CDH4: variants seen among roughly 807,000 people sequenced by gnomAD.
The protein encoded by CDH4 is cadherin 4, also known as cadherin-4.
In CDH4, 33 loss-of-function variants were observed where a neutral mutation model predicts 86.0. The observed-to-expected ratio is 0.38, with a 90% CI of 0.29 to 0.51. The LOEUF (loss-of-function observed/expected upper bound fraction) is 0.51. CDH4 is among the 20% of genes least tolerant of loss of function. CDH4 has a pLI of 0.86. For synonymous variants in CDH4, 555 were observed against 549.4 expected (o/e 1.01, Z -0.14); for missense variants, 1,114 against 1,307.4 (o/e 0.85, Z 2.28).
At chr20:61,639,730 G>A (rs368137940) in intron 2 of CDH4, among the ~76,000 whole-genome samples, 26 of 152,116 alleles carry the variant, frequency 1.7e-4, no homozygotes, top group African/African-American at 3.4e-4. Flanking sequence ...TTAACGCAGC[G>A]CAGAAGGCTC....
intron 4 of CDH4, among the ~76,000 whole-genome samples, chr20:61,781,368 G>A (rs2145998585): frequency 6.6e-6 from 1 of 152,276 alleles, no homozygotes; most frequent in East Asian, 1.9e-4. Flanking sequence ...ATGCTTTATA[G>A]TATGTTCAAG....
intron 2 of CDH4, among the ~76,000 whole-genome samples, chr20:61,422,593 C>T (rs565972698): frequency 6.6e-6 from 1 of 152,206 alleles, no homozygotes; most frequent in East Asian, 1.9e-4. Context: ...ATTCTCTTCT[C>T]TCCGTGGTGT....
intron 2 of CDH4, among the ~76,000 whole-genome samples, chr20:61,255,413 G>C (rs1217855013): frequency 2.0e-5 from 3 of 152,230 alleles, no homozygotes; most frequent in Non-Finnish European, 4.4e-5. Flanking sequence ...CTACCAATTA[G>C]CTTTATCGTA....
intron 4 of CDH4, among the ~76,000 whole-genome samples, chr20:61,843,456 C>CAAA (rs869283452): frequency 0.016 from 943 of 58,802 alleles, 89 homozygotes; most frequent in South Asian, 0.038. Flanking sequence ...GACTCCGTCT[C>CAAA]AAAAAAAAAA....
chr20:61,687,540 A>G (rs2087598902), intron 2 of CDH4, among the ~76,000 whole-genome samples: 1 of 152,252 alleles, frequency 6.6e-6, no homozygotes, highest in Non-Finnish European at 1.5e-5. Flanking sequence ...AAACGACCCA[A>G]GAGTTAATTT....
intron 2 of CDH4, among the ~76,000 whole-genome samples, chr20:61,557,239 G>A (rs1427071299): frequency 6.6e-6 from 1 of 152,196 alleles, no homozygotes; most frequent in African/African-American, 2.4e-5. Flanking sequence ...CATGCAGCCT[G>A]TGTCCCAATG....
chr20:61,831,663 C>T (rs570537911), intron 4 of CDH4, among the ~76,000 whole-genome samples: 3 of 152,392 alleles, frequency 2.0e-5, no homozygotes, highest in East Asian at 1.9e-4. Flanking sequence ...CCTCCTCCCC[C>T]TCAGGACCCC....
Position 61,719,441 on chromosome 20 carries a change from G to A in CDH4, c.170-24122G>A, listed in dbSNP as rs565778987. On this transcript the variant is annotated intron_variant, in intron 2 of 15. Transcript: ENST00000614565. ...TAGCAATATTGCAAAATGCTTGCGT[G>A]AAATAACTGTGGAAATATTTCACTA... The A allele has an allele frequency of 7.6e-5, 18 of 236,836 alleles. No homozygotes were observed. The East Asian group carries it at 1.9e-3, about 25-fold the overall frequency. The allele number at this position is 236,836 out of a possible 1,614,324, so 14.7% of individuals were successfully genotyped here. A position where few individuals can be genotyped will look rare whatever the true frequency, so the allele number is the denominator to read the frequency against.
chr20:61,333,474 C>A (rs1453261083), intron 2 of CDH4, among the ~76,000 whole-genome samples: 2 of 152,174 alleles, frequency 1.3e-5, no homozygotes, highest in Non-Finnish European at 2.9e-5. Flanking sequence ...GATAATCCAG[C>A]CAAGGGGGAC....
At chr20:61,793,495 C>T (rs948354653) in intron 4 of CDH4, among the ~76,000 whole-genome samples, 3 of 152,180 alleles carry the variant, frequency 2.0e-5, no homozygotes, top group Non-Finnish European at 2.9e-5. Flanking sequence ...ACCCATAAAG[C>T]GGCCCCCGAG....
rs535489560 is a variant in CDH4, at chr20:61,480,773, C to G, written c.169+225836C>G. On this transcript the variant is annotated intron_variant, in intron 2 of 15. Transcript: ENST00000614565. The surrounding 1 kb of genome is among the most constrained non-coding windows in gnomAD (Gnocchi z 5.2). ...CATTCCACCAAAAGAGGTCACGAGA[C>G]TAGAATTGTGATCCAGTTTCCACAC... is the stretch of plus-strand genomic sequence containing the variant. Among the ~76,000 whole-genome samples, 1 of 152,236 alleles carries G rather than the reference C, an allele frequency of 6.6e-6. No individual in the cohort carries two copies. The highest frequency in any genetic ancestry group is 2.1e-4 in the South Asian group (1 of 4,832).
At chr20:61,758,179 C>A (rs1018578045) in intron 3 of CDH4, among the ~76,000 whole-genome samples, 14 of 152,138 alleles carry the variant, frequency 9.2e-5, no homozygotes, top group Non-Finnish European at 1.0e-4. Flanking sequence ...GGTAGAGGCG[C>A]TGTTTCATCC....
chr20:61,823,983 G>A (rs976233273), intron 4 of CDH4, among the ~76,000 whole-genome samples: 3 of 152,278 alleles, frequency 2.0e-5, no homozygotes, highest in South Asian at 2.1e-4. Flanking sequence ...AGGAACTGTT[G>A]GAGAAAGCAA....
intron 2 of CDH4, among the ~76,000 whole-genome samples, chr20:61,390,110 G>A (rs536569491): frequency 4.7e-4 from 71 of 150,164 alleles, no homozygotes; most frequent in Non-Finnish European, 9.5e-4. Context: ...ATGGTCATAG[G>A]GTGCCCATAG....
intron 2 of CDH4, among the ~76,000 whole-genome samples, chr20:61,331,639 C>T (rs74213278): frequency 0.074 from 362 of 4,900 alleles, no homozygotes; most frequent in Middle Eastern, 0.2. Context: ...TGCCCCAGAC[C>T]CACCTCCCGC....
intron 2 of CDH4, among the ~76,000 whole-genome samples, chr20:61,401,652 C>T (rs1433981070): frequency 6.6e-6 from 1 of 152,176 alleles, no homozygotes; most frequent in Non-Finnish European, 1.5e-5. Flanking sequence ...CATATCATGA[C>T]CTCTTAGACT....
At position 61,524,290 on chromosome 20, in the gene CDH4, C is replaced by A. The variant is rs749184311; in HGVS notation, c.170-219273C>A. 2.6e-5 allele frequency among the ~76,000 whole-genome samples: 4 copies of A among 152,070 alleles called. No individual in the cohort carries two copies. In the South Asian group the frequency reaches 8.3e-4, roughly 32 times the overall value. ...ATTTAAAAATACCCAAAGGAGGGCA[C>A]GTGAAAACCCGGGGAAAGCTGGAGA... is the stretch of plus-strand genomic sequence containing the variant. On this transcript the variant is annotated intron_variant, in intron 2 of 15. Coordinates refer to ENST00000614565, the MANE Select transcript of CDH4 (RefSeq NM_001794.5).
At chr20:61,300,438 G>A (rs2427056) in intron 2 of CDH4, among the ~76,000 whole-genome samples, 17,286 of 152,142 alleles carry the variant, frequency 0.11, 1,222 homozygotes, top group Middle Eastern at 0.21. Flanking sequence ...GGCACTCTCT[G>A]CAGCCAGGCG....
At chr20:61,488,767 G>A (rs1391523585) in intron 2 of CDH4, among the ~76,000 whole-genome samples, 1 of 152,140 alleles carries the variant, frequency 6.6e-6, no homozygotes, top group Non-Finnish European at 1.5e-5. Context: ...GCTGTTCTCT[G>A]TGTTCCTTGA....
Sources: gnomAD v4.1 joint callset for allele counts (sites outside exome capture counted in the v4.1 genomes callset) on GRCh38, gnomAD v4.1.1 for gene constraint, Gnocchi (gnomAD v3.1) non-coding constraint, MANE v1.5 for transcripts, NCBI Gene and HGNC (gene_info 2026-07-23, HGNC 2026-07-21) for gene names.